The following SLC13A5 variants were observed in gnomAD, a reference collection of about 807,000 sequenced individuals.
SLC13A5 encodes solute carrier family 13 member 5.
Under a neutral mutation model 56.5 loss-of-function variants are expected in SLC13A5, and 25 were observed. The ratio of observed to expected loss-of-function variants is 0.44; its 90% CI spans 0.32 to 0.62. The LOEUF is 0.62. SLC13A5 is among the 20% of genes least tolerant of loss of function. The pLI is 0.04. For synonymous variants in SLC13A5, 307 were observed against 301.5 expected (o/e 1.02, Z -0.19); for missense variants, 649 against 737.8 (o/e 0.88, Z 1.39).
At chr17:6,699,333 C>T (rs1973648377) in intron 6 of SLC13A5, among the ~76,000 whole-genome samples, 1 of 152,146 alleles carries the variant, frequency 6.6e-6, no homozygotes, top group Non-Finnish European at 1.5e-5. Context: ...ACTGTCAAAG[C>T]CAGGCTGGGT....
chr17:6,707,420 T>C (rs1458685647), intron 1 of SLC13A5, among the ~76,000 whole-genome samples: 1 of 152,056 alleles, frequency 6.6e-6, no homozygotes, highest in Non-Finnish European at 1.5e-5. Flanking sequence ...AGGCACGTTC[T>C]TTCATCTTCT....
In SLC13A5 at chr17:6,687,479, T is replaced by C; in HGVS notation, c.1575+50A>G. Reference sequence around the variant, plus strand: ...TCATTCATAAATGGGGCATCCCTTATGACAACAGCGTTATAGTCCGACGGG... The same window carrying C: ...TCATTCATAAATGGGGCATCCCTTACGACAACAGCGTTATAGTCCGACGGG... On this transcript the variant is annotated intron_variant, in intron 11 of 11. Transcript: ENST00000433363. The surrounding 1 kb of genome is among the most constrained non-coding windows in gnomAD (Gnocchi z 5.0). The C allele has an allele frequency of 6.2e-7, 1 of 1,606,310 alleles. No homozygotes were observed. The highest frequency in any genetic ancestry group is 8.5e-7 in the Non-Finnish European group (1 of 1,177,534).
intron 1 of SLC13A5, among the ~76,000 whole-genome samples, chr17:6,707,526 G>A (rs1255564399): frequency 6.6e-6 from 1 of 152,060 alleles, no homozygotes; most frequent in African/African-American, 2.4e-5. Flanking sequence ...GAGGAGGAGG[G>A]GATAGAAGAA....
At position 6,693,083 on chromosome 17, in the gene SLC13A5, C is replaced by G; in HGVS notation, c.1236G>C (p.Leu412=). Reference sequence around the variant, plus strand: ...CCAGAGCAAATCCGCCCCCTAGTAGCAGCACGATGCCCCAGGGCACTTTCT... The same window carrying G: ...CCAGAGCAAATCCGCCCCCTAGTAGGAGCACGATGCCCCAGGGCACTTTCT... ...TQEKVPWGIV[L]LLGGGFALAK... is the part of the protein sequence containing the mutation. Residue 412 remains leucine, a synonymous_variant, in exon 9 of 12, where the codon CTG becomes CTC. Coordinates refer to ENST00000433363, the MANE Select transcript of SLC13A5 (RefSeq NM_177550.5). 1 of 1,614,040 alleles carries G rather than the reference C, an allele frequency of 6.2e-7. No homozygotes were observed. Among genetic ancestry groups the G allele is most frequent in the Non-Finnish European group, 8.5e-7 (1 of 1,180,018 alleles).
At chr17:6,695,973 G>A in intron 6 of SLC13A5, 32 bp from the exon 7 acceptor site, 1 of 1,602,504 alleles carries the variant, frequency 6.2e-7, no homozygotes, top group South Asian at 1.1e-5. Flanking sequence ...GAAGGGCAGG[G>A]CAGACTGGTT....
At chr17:6,699,729 C>A (rs962639912) in intron 6 of SLC13A5, among the ~76,000 whole-genome samples, 3 of 152,166 alleles carry the variant, frequency 2.0e-5, no homozygotes, top group Non-Finnish European at 2.9e-5. Context: ...CCTTGGCCTC[C>A]CAAAGTGCTG....
At chr17:6,703,723 T>C (rs1038645454) in intron 4 of SLC13A5, among the ~76,000 whole-genome samples, 155 bp downstream of exon 4, 2 of 152,180 alleles carry the variant, frequency 1.3e-5, no homozygotes, top group African/African-American at 4.8e-5. Flanking sequence ...TCCTAAAACT[T>C]AGGACAACAG....
chr17:6,702,145 C>T (rs988965135), intron 5 of SLC13A5, among the ~76,000 whole-genome samples: 4 of 152,224 alleles, frequency 2.6e-5, no homozygotes, highest in Non-Finnish European at 4.4e-5. Context: ...CCAGCTCCTG[C>T]GCCCACTGCC....
Position 6,695,465 on chromosome 17 carries a change from CT to C in SLC13A5, c.1055+260del, listed in dbSNP as rs1290151003. 17 of 403,786 alleles carry C rather than the reference CT, an allele frequency of 4.2e-5. No individual in the cohort carries two copies. The Admixed American group carries it at 6.1e-4, about 15-fold the overall frequency. 25.0% of individuals were successfully genotyped at this position (403,786 alleles called of 1,614,324 possible). A position where few individuals can be genotyped will look rare whatever the true frequency, so the allele number is the denominator to read the frequency against. ...AGTGCAGTGGCACGATCTGGGCTCA[CT>C]GCAACCTCTGCCTCCTGGGTTCAAG... On this transcript the variant is annotated intron_variant, in intron 7 of 11. Coordinates refer to ENST00000433363, the MANE Select transcript of SLC13A5 (RefSeq NM_177550.5).
At chr17:6,702,348 G>A (rs1021768291) in intron 5 of SLC13A5, among the ~76,000 whole-genome samples, 2 of 152,236 alleles carry the variant, frequency 1.3e-5, no homozygotes, top group South Asian at 2.1e-4. Context: ...TCCCTCTTGG[G>A]GTCCTCATGG....
At chr17:6,712,427 G>T (rs901366783) in intron 1 of SLC13A5, among the ~76,000 whole-genome samples, 1 of 152,246 alleles carries the variant, frequency 6.6e-6, no homozygotes, top group Non-Finnish European at 1.5e-5. Flanking sequence ...CCCACCCTGC[G>T]GCCAAGGCCA....
chr17:6,712,164 T>C (rs1974057633), intron 1 of SLC13A5, among the ~76,000 whole-genome samples: 2 of 152,206 alleles, frequency 1.3e-5, no homozygotes, highest in South Asian at 4.1e-4. Flanking sequence ...TCCAGTTCTC[T>C]TGCAGGTTGG....
rs959886364 is a variant in SLC13A5, at chr17:6,713,164, G to A, written c.102+68C>T. ...CCGTGCGCTCCAGCTCAGGGCTCCCGGGATCGGTGCCCGTTAGTGGGCACA... is the reference window on the plus strand; with the variant it reads ...CCGTGCGCTCCAGCTCAGGGCTCCCAGGATCGGTGCCCGTTAGTGGGCACA... On this transcript the variant is annotated intron_variant, in intron 1 of 11. Coordinates refer to ENST00000433363, the MANE Select transcript of SLC13A5 (RefSeq NM_177550.5). The surrounding 1 kb of genome is among the most constrained non-coding windows in gnomAD (Gnocchi z 7.3). The A allele has an allele frequency of 2.7e-6, 4 of 1,508,876 alleles. No homozygotes were observed. Among genetic ancestry groups the A allele is most frequent in the East Asian group, 2.3e-5 (1 of 42,862 alleles). 93.5% of individuals were successfully genotyped at this position (1,508,876 alleles called of 1,614,324 possible).
chr17:6,687,853 G>T lies in SLC13A5; in HGVS notation c.1438-187C>A. The T allele has an allele frequency of 1.6e-6, 1 of 636,116 alleles. No individual in the cohort carries two copies. Among genetic ancestry groups the T allele is most frequent in the Non-Finnish European group, 2.5e-6 (1 of 404,440 alleles). 39.4% of individuals were successfully genotyped at this position (636,116 alleles called of 1,614,324 possible). A position where few individuals can be genotyped will look rare whatever the true frequency, so the allele number is the denominator to read the frequency against. On this transcript the variant is annotated intron_variant, in intron 10 of 11. Coordinates refer to ENST00000433363, the MANE Select transcript of SLC13A5 (RefSeq NM_177550.5). This position sits in a 1 kb window ranked among gnomAD's most constrained non-coding sequence, Gnocchi z 5.0. ...TACGGAACACTGAAGGCTGAGGTCA[G>T]AGGCCACCTGCCCTAGAAGGCCTTA...
At chr17:6,706,469 C>T (rs989505791) in intron 3 of SLC13A5, among the ~76,000 whole-genome samples, 173 bp downstream of exon 3, 7 of 152,206 alleles carry the variant, frequency 4.6e-5, no homozygotes, top group African/African-American at 1.2e-4. Context: ...GCCACCACCA[C>T]GCATGCATCT....
At chr17:6,690,089 A>AAAAAAAAAAAAC (rs1973363704) in intron 10 of SLC13A5, 1 of 142,486 alleles carries the variant, frequency 7.0e-6, no homozygotes, top group Non-Finnish European at 1.5e-5. Flanking sequence ...AAAAAAAAAA[A>AAAAAAAAAAAAC]AAAAAACCAT....
intron 10 of SLC13A5, among the ~76,000 whole-genome samples, chr17:6,690,428 C>T (rs561026195): frequency 6.6e-6 from 1 of 152,356 alleles, no homozygotes; most frequent in East Asian, 1.9e-4. Context: ...AGTCCTCCTG[C>T]ACACCTGTGC....
At position 6,704,047 on chromosome 17, in the gene SLC13A5, C is replaced by T; in HGVS notation, c.378G>A (p.Leu126=). 1 of 1,611,500 alleles carries T rather than the reference C, an allele frequency of 6.2e-7. No individual in the cohort carries two copies. The highest frequency in any genetic ancestry group is 8.5e-7 in the Non-Finnish European group (1 of 1,178,884). ...GGAGGGCTGTGACGCCCATGAAGCCCAGCATCAGCCTGCAGAGGAGGGGCA... is the reference window on the plus strand; with the variant it reads ...GGAGGGCTGTGACGCCCATGAAGCCTAGCATCAGCCTGCAGAGGAGGGGCA... The part of the protein sequence containing the change: ...WVGAKPARLM[L]GFMGVTALLS... Residue 126 remains leucine (L), a synonymous_variant, in exon 4 of 12, where the codon CTG becomes CTA. Coordinates refer to ENST00000433363, the MANE Select transcript of SLC13A5 (RefSeq NM_177550.5).
At chr17:6,699,754 G>C (rs940446096) in intron 6 of SLC13A5, among the ~76,000 whole-genome samples, 13 of 148,446 alleles carry the variant, frequency 8.8e-5, no homozygotes, top group Non-Finnish European at 1.5e-4. Flanking sequence ...TTCAGGCGTG[G>C]GCTACCACGC....
Sources: gnomAD v4.1 joint callset for allele counts (sites outside exome capture counted in the v4.1 genomes callset) on GRCh38, gnomAD v4.1.1 for gene constraint, Gnocchi (gnomAD v3.1) non-coding constraint, MANE v1.5 for transcripts, NCBI Gene and HGNC (gene_info 2026-07-23, HGNC 2026-07-21) for gene names.